Variants in MYO5B observed in about 807,000 individuals in gnomAD.
MYO5B encodes myosin VB.
A neutral mutation model predicts 229.3 loss-of-function variants in MYO5B; 143 were observed. The observed-to-expected ratio is 0.62, with a 90% CI of 0.54 to 0.72. MYO5B has a LOEUF of 0.72. Ranked by LOEUF, MYO5B falls within the 30% of genes least tolerant of loss-of-function variation. MYO5B has a pLI of 0.00. For missense variants in MYO5B, 2,321 were observed against 2,331.0 expected (o/e 1.00, Z 0.09); for synonymous variants, 918 against 885.2 (o/e 1.04, Z -0.66).
chr18:49,870,019 G>A (rs777049135), intron 27 of MYO5B, among the ~76,000 whole-genome samples: 4 of 152,216 alleles, frequency 2.6e-5, no homozygotes, highest in African/African-American at 4.8e-5. Context: ...TGGGAAAGGC[G>A]GGTGAAGGTT....
rs751241323 is a variant in MYO5B, at chr18:49,837,725, T to G, written c.4930A>C (p.Ser1644Arg). 6.2e-7 allele frequency: 1 copy of G among 1,614,222 alleles called. No homozygotes were observed. The highest frequency in any genetic ancestry group is 2.2e-5 in the East Asian group (1 of 44,894). ...KPTGYRKRSS[S>R]MADGDNSYCL... ...TATGAGTTATCCCCATCTGCCATGCTGGAGGAGCGCTTCCGGTAGCCGGTG... is the reference window on the plus strand; with the variant it reads ...TATGAGTTATCCCCATCTGCCATGCGGGAGGAGCGCTTCCGGTAGCCGGTG... Residue 1644 changes from serine to arginine, a missense_variant, in exon 37 of 40, where the codon AGC becomes CGC. Physicochemically the swap from Ser to Arg is moderately radical, Grantham distance 110. This residue lies in a region of MYO5B where 208 missense variants were observed against 286.3 expected (regional missense o/e 0.73). Coordinates refer to ENST00000285039, the MANE Select transcript of MYO5B (RefSeq NM_001080467.3).
At chr18:49,827,513 G>C (rs528577450) in intron 39 of MYO5B, among the ~76,000 whole-genome samples, 2 of 152,252 alleles carry the variant, frequency 1.3e-5, no homozygotes, top group South Asian at 4.1e-4. Context: ...AGAAATTTTA[G>C]GAAAAGTACA....
intron 1 of MYO5B, among the ~76,000 whole-genome samples, chr18:50,135,464 T>C (rs1002444017): frequency 6.6e-6 from 1 of 152,204 alleles, no homozygotes; most frequent in African/African-American, 2.4e-5. Context: ...ACAGTTGACA[T>C]CACTCCCATC....
At chr18:50,167,077 T>A (rs997891058) in intron 1 of MYO5B, among the ~76,000 whole-genome samples, 2 of 152,250 alleles carry the variant, frequency 1.3e-5, no homozygotes, top group Middle Eastern at 3.2e-3. Context: ...TCCCTAAGCA[T>A]CTTTTCAGCA....
chr18:49,913,645 G>C, intron 17 of MYO5B, among the ~76,000 whole-genome samples: 1 of 152,222 alleles, frequency 6.6e-6, no homozygotes, highest in African/African-American at 2.4e-5. Context: ...GGACAGAAGA[G>C]GACAGTTCCC....
At chr18:50,027,686 T>G (rs1251567830) in intron 4 of MYO5B, among the ~76,000 whole-genome samples, 1 of 152,142 alleles carries the variant, frequency 6.6e-6, no homozygotes, top group Non-Finnish European at 1.5e-5. Flanking sequence ...AAAAAACTGC[T>G]CCATGCACAT....
chr18:50,072,561 C>T (rs1028212649), intron 1 of MYO5B, among the ~76,000 whole-genome samples: 1 of 152,200 alleles, frequency 6.6e-6, no homozygotes, highest in African/African-American at 2.4e-5. Context: ...AGCTATCTTA[C>T]CTCACAAGGG....
chr18:50,040,170 C>A lies in MYO5B; in HGVS notation c.283G>T (p.Glu95Ter). ...CAGTAAGTGTAGATATGGTTGGACT[C>A]CAGGAAACGGACCTTCAAATTATGC... ...VLHNLKVRFL[E>*]SNHIYTYCGI... Residue 95 changes from glutamate (E) to a stop codon, truncating the protein, a stop_gained, in exon 3 of 40, where the codon GAG becomes TAG. Transcript: ENST00000285039. LOFTEE classifies it high-confidence loss of function. 1 of 1,614,070 alleles carries A rather than the reference C, an allele frequency of 6.2e-7. No individual in the cohort carries two copies. The highest frequency in any genetic ancestry group is 1.1e-5 in the South Asian group (1 of 91,056).
At chr18:49,916,313 G>GCCTTGCAAAGAC (rs1321003385) in intron 17 of MYO5B, among the ~76,000 whole-genome samples, 1 of 152,238 alleles carries the variant, frequency 6.6e-6, no homozygotes, top group Non-Finnish European at 1.5e-5. Flanking sequence ...GCCAGTACAG[G>GCCTTGCAAAGAC]ATGAACCTGG....
rs748585406 is a variant in MYO5B, at chr18:49,853,498, A to T, written c.4172T>A (p.Val1391Glu). The change falls in exon 31 of 40, where the codon GTG (valine) becomes GAG (glutamate). Residue 1391 changes from valine to glutamate, a missense_variant. Physicochemically the swap from Val to Glu is moderately radical, Grantham distance 121. This residue lies in a region of MYO5B where 2,113 missense variants were observed against 2,044.7 expected (regional missense o/e 1.03). Transcript: ENST00000285039. ...TATTTCCTGCTGAACGCCGAATTCC[A>T]CCTGGGCCTCTGGGGAGAGCAGTAG... ...QTLLLSPEAQ[V>E]EFGVQQEISR... 4.3e-6 allele frequency: 7 copies of T among 1,614,010 alleles called. No homozygotes were observed. In the Admixed American group the frequency reaches 1.0e-4, roughly 23 times the overall value.
chr18:50,041,309 T>G (rs1178732573), intron 2 of MYO5B, among the ~76,000 whole-genome samples: 1 of 152,186 alleles, frequency 6.6e-6, no homozygotes, highest in African/African-American at 2.4e-5. Context: ...TTTAGGAAAT[T>G]CTATGGACAC....
chr18:50,115,351 A>T lies in MYO5B; in HGVS notation c.28-59973T>A, dbSNP rs569805044. On this transcript the variant is annotated intron_variant, in intron 1 of 39. Transcript: ENST00000285039. ...CTTCAGAAAGTGTCTATGGAATTCAATCTTACGGCTAGACTTCACTAGCCT... is the reference window on the plus strand; with the variant it reads ...CTTCAGAAAGTGTCTATGGAATTCATTCTTACGGCTAGACTTCACTAGCCT... 6.4e-4 allele frequency among the ~76,000 whole-genome samples: 98 copies of T among 152,322 alleles called. 1 individual carries two copies. The highest frequency in any genetic ancestry group is 6.8e-3 in the Middle Eastern group (2 of 294).
intron 5 of MYO5B, among the ~76,000 whole-genome samples, chr18:49,993,178 A>G (rs115356978): frequency 0.011 from 1,664 of 152,222 alleles, 37 homozygotes; most frequent in African/African-American, 0.038. Flanking sequence ...GAATACATTA[A>G]TATTTAATCC....
intron 5 of MYO5B, 72 bp downstream of exon 5, chr18:50,001,183 T>G (rs2026042692): frequency 6.3e-7 from 1 of 1,599,640 alleles, no homozygotes; most frequent in Non-Finnish European, 8.6e-7. Flanking sequence ...CACCCAGGCT[T>G]GACGCCCAGC....
chr18:50,118,903 G>A (rs2032013083), intron 1 of MYO5B, among the ~76,000 whole-genome samples: 1 of 152,174 alleles, frequency 6.6e-6, no homozygotes, highest in African/African-American at 2.4e-5. Flanking sequence ...ACCACACTAA[G>A]AGTAGTACCA....
rs375762137 is a variant in MYO5B, at chr18:50,078,863, G to A, written c.28-23485C>T. 5.0e-4 allele frequency among the ~76,000 whole-genome samples: 76 copies of A among 152,278 alleles called. No individual in the cohort carries two copies. In the South Asian group the frequency reaches 5.6e-3, roughly 11 times the overall value. ...ACCCAATGTTCATTAACAGTAGGATGGACAAATACATCCCAGTATATTCAC... is the reference window on the plus strand; with the variant it reads ...ACCCAATGTTCATTAACAGTAGGATAGACAAATACATCCCAGTATATTCAC... On this transcript the variant is annotated intron_variant, in intron 1 of 39. Transcript: ENST00000285039.
At chr18:50,160,812 C>G (rs2144319137) in intron 1 of MYO5B, among the ~76,000 whole-genome samples, 1 of 152,250 alleles carries the variant, frequency 6.6e-6, no homozygotes, top group South Asian at 2.1e-4. Context: ...CTCCCCTAGT[C>G]CCTCCACTCT....
chr18:50,087,205 A>G (rs967965913), intron 1 of MYO5B, among the ~76,000 whole-genome samples: 1 of 152,178 alleles, frequency 6.6e-6, no homozygotes, highest in Admixed American at 6.5e-5. Flanking sequence ...AAGTGTCTCT[A>G]AAGATTGCCT....
rs554599141 is a variant in MYO5B, at chr18:50,030,498, A to C, written c.455+6352T>G. Among the ~76,000 whole-genome samples the C allele has an allele frequency of 4.8e-5, 7 of 147,196 alleles. No individual in the cohort carries two copies. The South Asian group carries it at 1.5e-3, about 32-fold the overall frequency. The stretch of plus-strand genomic sequence containing the variant: ...CATTTCCATACTGCTTCCCTGGAAG[A>C]TCATCAAATTCTCTACATGCTCTTC... On this transcript the variant is annotated intron_variant, in intron 4 of 39. Coordinates refer to ENST00000285039, the MANE Select transcript of MYO5B (RefSeq NM_001080467.3).
Sources: gnomAD v4.1 joint callset for allele counts (sites outside exome capture counted in the v4.1 genomes callset) on GRCh38, gnomAD v4.1.1 for gene constraint, gnomAD v4.1.1 regional missense constraint, MANE v1.5 for transcripts, NCBI Gene and HGNC (gene_info 2026-07-23, HGNC 2026-07-21) for gene names.